ANKFN1: variants seen among roughly 807,000 people sequenced by gnomAD.
The protein encoded by ANKFN1 is ankyrin repeat and fibronectin type-III domain-containing protein 1.
In ANKFN1, 74 loss-of-function variants were observed where a neutral mutation model predicts 108.7. The observed-to-expected ratio is 0.68, with a 90% confidence interval of 0.56 to 0.83. The LOEUF (loss-of-function observed/expected upper bound fraction) is 0.83. Among genes scored for constraint, ANKFN1 ranks in the 40% least tolerant of loss-of-function variants. The pLI is 0.00. For missense variants in ANKFN1, 1,505 were observed against 1,382.3 expected (o/e 1.09, Z -1.41); for synonymous variants, 547 against 516.2 (o/e 1.06, Z -0.81).
intron 4 of ANKFN1, among the ~76,000 whole-genome samples, chr17:56,143,708 A>C (rs1233088975): frequency 6.6e-6 from 1 of 152,216 alleles, no homozygotes; most frequent in Non-Finnish European, 1.5e-5. Context: ...CTATAAATCC[A>C]GTGATGCGTC....
chr17:56,148,639 GA>G (rs61565642), upstream of ANKFN1, among the ~76,000 whole-genome samples: 9,435 of 145,494 alleles, frequency 0.065, 950 homozygotes, highest in African/African-American at 0.22. Context: ...TGTTTAGGAG[GA>G]AAAAAAAAAA....
intron 8 of ANKFN1, among the ~76,000 whole-genome samples, chr17:56,420,060 A>G (rs1352949203): frequency 6.6e-6 from 1 of 152,178 alleles, no homozygotes; most frequent in Non-Finnish European, 1.5e-5. Context: ...CTTGGTATAT[A>G]TAATCTCATA....
chr17:56,090,510 G>A (rs1567784804), intron 4 of ANKFN1, among the ~76,000 whole-genome samples: 1 of 151,140 alleles, frequency 6.6e-6, no homozygotes, highest in Non-Finnish European at 1.5e-5. Flanking sequence ...GTATTCTCCT[G>A]CCTTTTTGCT....
At chr17:56,386,501 AAG>A (rs1262305120) in intron 8 of ANKFN1, among the ~76,000 whole-genome samples, 1 of 151,844 alleles carries the variant, frequency 6.6e-6, no homozygotes, top group Non-Finnish European at 1.5e-5. Context: ...AAAGAAAAAA[AAG>A]AAAAACTTTA....
chr17:56,095,197 C>T (rs1295896501), intron 4 of ANKFN1, among the ~76,000 whole-genome samples: 1 of 150,942 alleles, frequency 6.6e-6, no homozygotes, highest in African/African-American at 2.4e-5. Context: ...GAAAAATAGG[C>T]CTTTTAAGAG....
At chr17:56,331,849 T>C (rs1432376986) in intron 4 of ANKFN1, among the ~76,000 whole-genome samples, 2 of 152,054 alleles carry the variant, frequency 1.3e-5, no homozygotes, top group Admixed American at 1.3e-4. Context: ...CCTCAGGGCA[T>C]CAAGAGTGAA....
At chr17:56,144,156 G>GAAAAAAAA (rs59884444) in intron 4 of ANKFN1, among the ~76,000 whole-genome samples, 5 of 40,558 alleles carry the variant, frequency 1.2e-4, no homozygotes, top group African/African-American at 4.6e-4. Flanking sequence ...AGGCGCATCT[G>GAAAAAAAA]AAAAAAAAAA....
chr17:56,374,188 G>A (rs2046884784), intron 7 of ANKFN1, among the ~76,000 whole-genome samples: 1 of 152,180 alleles, frequency 6.6e-6, no homozygotes, highest in African/African-American at 2.4e-5. Flanking sequence ...AAAAGTGAGT[G>A]TGCTATTTCT....
intron 3 of ANKFN1, among the ~76,000 whole-genome samples, chr17:56,312,457 T>G (rs1293699176): frequency 2.0e-5 from 3 of 152,098 alleles, no homozygotes; most frequent in Non-Finnish European, 4.4e-5. Context: ...CAGTACCTCC[T>G]TTCACACTCC....
At chr17:56,292,447 A>G (rs1381552469) in intron 3 of ANKFN1, among the ~76,000 whole-genome samples, 2 of 152,202 alleles carry the variant, frequency 1.3e-5, no homozygotes, top group Non-Finnish European at 2.9e-5. Context: ...TGCTCTACCA[A>G]GAGTGTTCCA....
chr17:56,462,002 G>T (rs1323286361), intron 14 of ANKFN1: 1 of 152,170 alleles, frequency 6.6e-6, no homozygotes, highest in Non-Finnish European at 1.5e-5. Flanking sequence ...CACCTTCACA[G>T]TGCCCCCATC....
rs570927034 is a variant in ANKFN1, at chr17:56,146,808, C to G, written c.289-81109C>G. Among the ~76,000 whole-genome samples, 53 of 152,316 alleles carry G rather than the reference C, an allele frequency of 3.5e-4. 2 individuals are homozygous for G. In the South Asian group the frequency reaches 0.011, roughly 30 times the overall value. On this transcript the variant is annotated intron_variant, in intron 4 of 12. Transcript: ENST00000635860. The stretch of plus-strand genomic sequence containing the variant: ...TGACATGCCCTGGAGACATTTTCCT[C>G]GTTGTCTTGGTGATTAACTTTCAGC...
chr17:56,407,922 CT>C (rs1567978415), intron 8 of ANKFN1, among the ~76,000 whole-genome samples: 2 of 130,930 alleles, frequency 1.5e-5, no homozygotes, highest in South Asian at 4.8e-4. Context: ...TATTTAAAAT[CT>C]TTTTTATCTT....
chr17:56,055,122 T>G (rs983184021), intron 4 of ANKFN1, among the ~76,000 whole-genome samples: 4 of 151,880 alleles, frequency 2.6e-5, no homozygotes, highest in African/African-American at 7.3e-5. Context: ...TACATGGATA[T>G]ATTGCATACT....
chr17:56,076,305 A>G (rs1451639010), intron 4 of ANKFN1, among the ~76,000 whole-genome samples: 5 of 152,244 alleles, frequency 3.3e-5, no homozygotes, highest in African/African-American at 1.2e-4. Context: ...GTATTGCAGA[A>G]GTACATGGAG....
At chr17:56,428,462 CTTTTTTTTTT>C (rs1183827202) in intron 8 of ANKFN1, among the ~76,000 whole-genome samples, 11 of 133,294 alleles carry the variant, frequency 8.3e-5, no homozygotes, top group Admixed American at 7.5e-4. Flanking sequence ...AGCTTTTTTT[CTTTTTTTTTT>C]TTTTTTGAGA....
chr17:56,070,657 C>T (rs1247041479), intron 4 of ANKFN1, among the ~76,000 whole-genome samples: 1 of 152,098 alleles, frequency 6.6e-6, no homozygotes, highest in East Asian at 1.9e-4. Flanking sequence ...AAAGCCAAAC[C>T]TTCCTTTTGA....
intron 8 of ANKFN1, among the ~76,000 whole-genome samples, chr17:56,434,434 C>T (rs1436427079): frequency 6.6e-6 from 1 of 150,930 alleles, no homozygotes; most frequent in East Asian, 1.9e-4. Context: ...AAGCCTTTTG[C>T]CCTTAATTTA....
At chr17:56,434,006 G>A (rs1049450525) in intron 8 of ANKFN1, among the ~76,000 whole-genome samples, 13 of 152,006 alleles carry the variant, frequency 8.6e-5, no homozygotes, top group Non-Finnish European at 1.5e-4. Flanking sequence ...ACTACACTCC[G>A]TCCTGGGCGA....
Sources: allele counts gnomAD v4.1 joint callset (sites outside exome capture counted in the v4.1 genomes callset), GRCh38; gene constraint gnomAD v4.1.1; transcripts MANE v1.5; gene names NCBI Gene and HGNC (gene_info 2026-07-23, HGNC 2026-07-21).